RHOJ: variants seen among roughly 807,000 people sequenced by gnomAD.
RHOJ encodes rho-related GTP-binding protein RhoJ.
A neutral mutation model predicts 23.4 loss-of-function variants in RHOJ; 11 were observed. The observed-to-expected ratio is 0.47, with a 90% confidence interval of 0.30 to 0.78. The LOEUF is 0.78. Ranked by LOEUF, RHOJ falls within the 30% of genes least tolerant of loss-of-function variation. The pLI, the probability that RHOJ is intolerant of heterozygous loss-of-function variation, is 0.08. For synonymous variants in RHOJ, 102 were observed against 102.7 expected (o/e 0.99, Z 0.04); for missense variants, 254 against 273.4 (o/e 0.93, Z 0.50).
chr14:63,287,631 C>A (rs1347957102), intron 4 of RHOJ, among the ~76,000 whole-genome samples: 1 of 144,088 alleles, frequency 6.9e-6, no homozygotes, highest in Non-Finnish European at 1.5e-5. Flanking sequence ...ACTCTTGTAT[C>A]TTCTGTACAT....
intron 2 of RHOJ, among the ~76,000 whole-genome samples, chr14:63,276,333 G>T: frequency 6.6e-6 from 1 of 152,128 alleles, no homozygotes. Flanking sequence ...AATCTTTAAG[G>T]CCTTTTCTAG....
At position 63,206,910 on chromosome 14, in the gene RHOJ, C is replaced by T. The variant is rs575829195; in HGVS notation, c.178+1863C>T. Among the ~76,000 whole-genome samples the T allele has an allele frequency of 1.2e-4, 18 of 152,274 alleles. 1 individual carries two copies. The South Asian group carries it at 3.3e-3, about 28-fold the overall frequency. On this transcript the variant is annotated intron_variant, in intron 1 of 4. Coordinates refer to ENST00000316754, the MANE Select transcript of RHOJ (RefSeq NM_020663.5). ...TCCTAAACATGGTTACTTTGATGTA[C>T]ACTTTGTACCTCTTTAAGTATATAA...
chr14:63,290,255 A>C (rs907922120), intron 4 of RHOJ, among the ~76,000 whole-genome samples: 4 of 152,200 alleles, frequency 2.6e-5, no homozygotes, highest in African/African-American at 9.6e-5. Flanking sequence ...ATAAATAAAT[A>C]AAGTATGTTA....
intron 1 of RHOJ, among the ~76,000 whole-genome samples, chr14:63,240,432 A>C (rs72712559): frequency 6.8e-4 from 103 of 152,334 alleles, no homozygotes; most frequent in Non-Finnish European, 1.2e-3. Flanking sequence ...TCATTCCTGC[A>C]GAGGCTGCTG....
chr14:63,274,721 T>TA (rs1185200259), intron 2 of RHOJ, among the ~76,000 whole-genome samples: 2 of 152,170 alleles, frequency 1.3e-5, no homozygotes, highest in African/African-American at 4.8e-5. Flanking sequence ...CCTCATTTTA[T>TA]GGATAAGGAA....
intron 1 of RHOJ, among the ~76,000 whole-genome samples, chr14:63,214,423 C>T (rs1474218816): frequency 2.0e-5 from 3 of 152,112 alleles, no homozygotes; most frequent in Non-Finnish European, 4.4e-5. Context: ...CCAAAAGGAG[C>T]AATTCTATAG....
chr14:63,235,628 C>T (rs1045018027), intron 1 of RHOJ, among the ~76,000 whole-genome samples: 13 of 152,250 alleles, frequency 8.5e-5, no homozygotes, highest in Admixed American at 7.2e-4. Context: ...ATTCTTTCAA[C>T]TTTTTGGTAT....
At chr14:63,278,666 A>T (rs557880730) in intron 2 of RHOJ, among the ~76,000 whole-genome samples, 3 of 152,296 alleles carry the variant, frequency 2.0e-5, no homozygotes, top group South Asian at 4.1e-4. Flanking sequence ...TAAACTAAAC[A>T]TGTGTATGTG....
chr14:63,247,846 G>A (rs771504082), intron 1 of RHOJ, among the ~76,000 whole-genome samples: 12 of 152,148 alleles, frequency 7.9e-5, no homozygotes, highest in Admixed American at 3.3e-4. Context: ...TGGACTCACC[G>A]TTCCACTAAC....
intron 1 of RHOJ, among the ~76,000 whole-genome samples, chr14:63,223,839 G>C (rs918960561): frequency 6.6e-6 from 1 of 152,158 alleles, no homozygotes; most frequent in South Asian, 2.1e-4. Context: ...TTCCATGAAA[G>C]CTCTTTAAAA....
At chr14:63,224,986 C>T (rs1208363590) in intron 1 of RHOJ, among the ~76,000 whole-genome samples, 1 of 144,618 alleles carries the variant, frequency 6.9e-6, no homozygotes, top group African/African-American at 2.5e-5. Flanking sequence ...GGGGTCTCGC[C>T]TTGTGGCCCA....
chr14:63,266,441 G>A (rs1277950141), intron 1 of RHOJ, among the ~76,000 whole-genome samples: 6 of 152,178 alleles, frequency 3.9e-5, no homozygotes, highest in Non-Finnish European at 7.4e-5. Context: ...GTTCCATTCA[G>A]TCAGTTGGGG....
chr14:63,235,042 G>T (rs984188138), intron 1 of RHOJ, among the ~76,000 whole-genome samples: 1 of 151,744 alleles, frequency 6.6e-6, no homozygotes, highest in Non-Finnish European at 1.5e-5. Flanking sequence ...AAATCTCCTC[G>T]GGTTTCTATG....
Position 63,236,329 on chromosome 14 carries a change from G to A in RHOJ, c.178+31282G>A, listed in dbSNP as rs571736908. ...GGTCTGTGTATTAGTCCGTTTTCAC[G>A]CTGCTGATAAAGACATACTTGAGAC... is the stretch of plus-strand genomic sequence containing the variant. On this transcript the variant is annotated intron_variant, in intron 1 of 4. Coordinates refer to ENST00000316754, the MANE Select transcript of RHOJ (RefSeq NM_020663.5). Among the ~76,000 whole-genome samples the A allele has an allele frequency of 1.2e-4, 19 of 152,156 alleles. No individual in the cohort carries two copies. In the East Asian group the frequency reaches 1.4e-3, roughly 11 times the overall value.
At chr14:63,280,695 G>T (rs1170534914) in intron 2 of RHOJ, among the ~76,000 whole-genome samples, 1 of 152,048 alleles carries the variant, frequency 6.6e-6, no homozygotes, top group Non-Finnish European at 1.5e-5. Context: ...GGTATATATA[G>T]GTAGGTATAT....
chr14:63,261,734 C>T (rs1363968752), intron 1 of RHOJ, among the ~76,000 whole-genome samples: 1 of 152,126 alleles, frequency 6.6e-6, no homozygotes, highest in African/African-American at 2.4e-5. Context: ...AGCCACTGCA[C>T]TTAGCCTAAC....
intron 1 of RHOJ, 123 bp downstream of exon 1, chr14:63,205,170 G>C (rs1170962438): frequency 2.0e-6 from 2 of 1,014,374 alleles, no homozygotes; most frequent in East Asian, 2.6e-5. Context: ...AGTAACCAGG[G>C]AGCTTAGCGT....
chr14:63,228,940 G>A (rs934165043), intron 1 of RHOJ, among the ~76,000 whole-genome samples: 4 of 152,102 alleles, frequency 2.6e-5, no homozygotes, highest in African/African-American at 9.7e-5. Context: ...TTTCCTACAT[G>A]CTCTCATAGC....
At chr14:63,219,700 C>T (rs1240254331) in intron 1 of RHOJ, among the ~76,000 whole-genome samples, 1 of 151,990 alleles carries the variant, frequency 6.6e-6, no homozygotes, top group Non-Finnish European at 1.5e-5. Flanking sequence ...CCTGTGGTCC[C>T]AGCTACTTGG....
Sources: gnomAD v4.1 joint callset for allele counts (sites outside exome capture counted in the v4.1 genomes callset) on GRCh38, gnomAD v4.1.1 for gene constraint, MANE v1.5 for transcripts, NCBI Gene and HGNC (gene_info 2026-07-23, HGNC 2026-07-21) for gene names.